Variants in IRF2 observed in about 807,000 individuals in gnomAD.
IRF2 encodes the protein interferon regulatory factor 2.
Under a neutral mutation model 40.6 loss-of-function variants are expected in IRF2, and 15 were observed. That is an observed-to-expected ratio of 0.37 (90% CI 0.25 to 0.57). IRF2 has a LOEUF of 0.57. Among genes scored for constraint, IRF2 ranks in the 20% least tolerant of loss-of-function variants. The probability of loss-of-function intolerance (pLI) is 0.77; values close to 1 mark genes in which losing one functional copy is unlikely to be tolerated. For missense variants in IRF2, 317 were observed against 455.7 expected (o/e 0.70, Z 2.77); for synonymous variants, 151 against 165.5 (o/e 0.91, Z 0.67).
chr4:184,407,247 A>C (rs1471855314), intron 6 of IRF2: 2 of 1,287,660 alleles, frequency 1.6e-6, no homozygotes, highest in Non-Finnish European at 2.0e-6. Context: ...CGTTTCCCAA[A>C]AACAGAAGTC....
chr4:184,452,738 C>T (rs2553532), intron 1 of IRF2, among the ~76,000 whole-genome samples: 135,344 of 138,498 alleles, frequency 0.98, 66,235 homozygotes, highest in Middle Eastern at 1. Context: ...GCCACTACAC[C>T]CCAGCATGAG....
intron 7 of IRF2, among the ~76,000 whole-genome samples, chr4:184,395,421 A>AG (rs2149891798): frequency 6.8e-6 from 1 of 146,956 alleles, no homozygotes; most frequent in Non-Finnish European, 1.5e-5. Flanking sequence ...TCAAAAAAAA[A>AG]AAAAAAAAAA....
Position 184,390,720 on chromosome 4 carries a change from C to T in IRF2, c.724G>A (p.Asp242Asn), listed in dbSNP as rs1325995281. 7 of 1,614,032 alleles carry T rather than the reference C, an allele frequency of 4.3e-6. No homozygotes were observed. The highest frequency in any genetic ancestry group is 2.2e-5 in the East Asian group (1 of 44,896). ...ESETTDSVPS[D>N]EESAEGRPHW... ...TGGCTTACCTCGGCACTCTCTTCATCGCTGGGCACACTATCAGTCGTTTCG... is the reference window on the plus strand; with the variant it reads ...TGGCTTACCTCGGCACTCTCTTCATTGCTGGGCACACTATCAGTCGTTTCG... Residue 242 changes from aspartate (D) to asparagine (N), a missense_variant, in exon 8 of 9, where the codon GAT (aspartate) becomes AAT (asparagine). Asp to Asn is a conservative substitution (Grantham distance 23). Coordinates refer to ENST00000393593, the MANE Select transcript of IRF2 (RefSeq NM_002199.4).
rs1176713938 is a variant in IRF2 at position 184,445,666 on chromosome 4, A to AAAGAAG, written c.-6-16602_-6-16597dup. On this transcript the variant is annotated intron_variant, in intron 1 of 8. Transcript: ENST00000393593. ...TGAGACTCCATCACAAAAAAAAAAA[A>AAAGAAG]AAGAAGAAGAAGAAGAACAATACAG... Among the ~76,000 whole-genome samples the AAAGAAG allele has an allele frequency of 4.3e-4, 65 of 151,650 alleles. 1 individual carries two copies. The highest frequency in any genetic ancestry group is 1.3e-3 in the African/African-American group (54 of 41,336).
At chr4:184,400,031 C>T (rs185070247) in intron 6 of IRF2, among the ~76,000 whole-genome samples, 14 of 152,294 alleles carry the variant, frequency 9.2e-5, no homozygotes, top group Non-Finnish European at 1.3e-4. Flanking sequence ...CATCTTGTTC[C>T]GATTTCCTCA....
rs560460555 is a variant in IRF2, at chr4:184,474,199, A to C, written c.-7+180T>G. 6.6e-6 allele frequency: 1 copy of C among 152,556 alleles called. No homozygotes were observed. The highest frequency in any genetic ancestry group is 2.1e-4 in the South Asian group (1 of 4,870). 9.5% of individuals were successfully genotyped at this position (152,556 alleles called of 1,614,324 possible). A position where few individuals can be genotyped will look rare whatever the true frequency, so the allele number is the denominator to read the frequency against. On this transcript the variant is annotated intron_variant, in intron 1 of 8. Transcript: ENST00000393593. The surrounding 1 kb of genome is among the most constrained non-coding windows in gnomAD (Gnocchi z 5.6). ...TTCCCCTAAAATCAGATGATCCATA[A>C]TTGCGCCGACTGTTCCTCCAAAAAT...
At chr4:184,430,113 G>GAA (rs1280633964) in intron 1 of IRF2, among the ~76,000 whole-genome samples, 1 of 152,136 alleles carries the variant, frequency 6.6e-6, no homozygotes, top group African/African-American at 2.4e-5. Flanking sequence ...ATTGAGCTCT[G>GAA]AAAATTCTAT....
At chr4:184,441,856 G>A (rs1738323979) in intron 1 of IRF2, among the ~76,000 whole-genome samples, 1 of 152,204 alleles carries the variant, frequency 6.6e-6, no homozygotes, top group Non-Finnish European at 1.5e-5. Flanking sequence ...GTAAGGTTAA[G>A]TAACTTCCCA....
chr4:184,398,655 CAAAA>C (rs755314172), intron 7 of IRF2, among the ~76,000 whole-genome samples: 6 of 146,914 alleles, frequency 4.1e-5, no homozygotes, highest in African/African-American at 1.0e-4. Flanking sequence ...GACTCTGTCT[CAAAA>C]AAAAAAAAAA....
At chr4:184,445,795 G>A (rs989452626) in intron 1 of IRF2, among the ~76,000 whole-genome samples, 3 of 152,014 alleles carry the variant, frequency 2.0e-5, no homozygotes, top group African/African-American at 4.8e-5. Flanking sequence ...TTGATGCAAC[G>A]CAGCAAAGAA....
At chr4:184,438,411 T>C (rs1266656417) in intron 1 of IRF2, among the ~76,000 whole-genome samples, 1 of 152,144 alleles carries the variant, frequency 6.6e-6, no homozygotes, top group Non-Finnish European at 1.5e-5. Context: ...GAATGGAAAA[T>C]GAGGGAGCAC....
chr4:184,407,456 A>G (rs540700626), intron 6 of IRF2, among the ~76,000 whole-genome samples: 1 of 152,358 alleles, frequency 6.6e-6, no homozygotes, highest in East Asian at 1.9e-4. Flanking sequence ...GGGTGCAGCT[A>G]GCTACATCTG....
rs1183993188 is a variant in IRF2, at chr4:184,387,920, A to G, written c.*838T>C. The G allele has an allele frequency of 6.6e-6, 1 of 152,610 alleles. No individual in the cohort carries two copies. Among genetic ancestry groups the G allele is most frequent in the East Asian group, 1.9e-4 (1 of 5,208 alleles). The allele number at this position is 152,610 out of a possible 1,614,324, so 9.5% of individuals were successfully genotyped here. A position where few individuals can be genotyped will look rare whatever the true frequency, so the allele number is the denominator to read the frequency against. On this transcript the variant is annotated 3_prime_UTR_variant, in exon 9 of 9. Transcript: ENST00000393593. ...TTTGCTGTAGAAAAGATAAAAAACA[A>G]TTATATTTTATTTAGAATTTTACCT...
chr4:184,416,328 C>CAAAAAAAAAAAAAAAA (rs35274774), intron 5 of IRF2, among the ~76,000 whole-genome samples: 2 of 100,172 alleles, frequency 2.0e-5, no homozygotes, highest in African/African-American at 3.9e-5. Flanking sequence ...AAAAAAAAAA[C>CAAAAAAAAAAAAAAAA]AAAAAAAAAA....
chr4:184,399,142 CAAGA>C (rs1211774263), intron 6 of IRF2, 63 bp from the exon 7 acceptor site: 20 of 1,492,248 alleles, frequency 1.3e-5, no homozygotes, highest in East Asian at 4.7e-5. Context: ...CACACTTTCT[CAAGA>C]AAGAGTCTTC....
chr4:184,451,687 G>T (rs1428580038), intron 1 of IRF2, among the ~76,000 whole-genome samples: 1 of 152,088 alleles, frequency 6.6e-6, no homozygotes, highest in Non-Finnish European at 1.5e-5. Context: ...TAGGAAACTG[G>T]TTTCCTTCCC....
At chr4:184,402,971 C>T (rs1294778922) in intron 6 of IRF2, among the ~76,000 whole-genome samples, 1 of 152,142 alleles carries the variant, frequency 6.6e-6, no homozygotes, top group Non-Finnish European at 1.5e-5. Context: ...CACGTCCATG[C>T]AGATTTTAGG....
At chr4:184,400,711 C>A (rs1468596031) in intron 6 of IRF2, among the ~76,000 whole-genome samples, 1 of 152,196 alleles carries the variant, frequency 6.6e-6, no homozygotes, top group Non-Finnish European at 1.5e-5. Context: ...TTCTCCACAG[C>A]CTCGGCAGCA....
At chr4:184,438,686 G>A (rs541252472) in intron 1 of IRF2, among the ~76,000 whole-genome samples, 106 of 152,278 alleles carry the variant, frequency 7.0e-4, no homozygotes, top group Non-Finnish European at 1.1e-3. Context: ...CGTGAGCCCC[G>A]CGCCTGGCCT....
Sources: gnomAD v4.1 joint callset for allele counts (sites outside exome capture counted in the v4.1 genomes callset) on GRCh38, gnomAD v4.1.1 for gene constraint, Gnocchi (gnomAD v3.1) non-coding constraint, MANE v1.5 for transcripts, NCBI Gene and HGNC (gene_info 2026-07-23, HGNC 2026-07-21) for gene names.